The following PRKD2 variants were observed in gnomAD, a reference collection of about 807,000 sequenced individuals.
PRKD2 encodes protein kinase D2.
PRKD2 carries 22 observed loss-of-function variants against 86.0 expected under a neutral mutation model. The observed-to-expected ratio is 0.26, with a 90% CI of 0.18 to 0.37. The LOEUF is 0.37. PRKD2 is among the 10% of genes least tolerant of loss of function. The pLI is 1.00. For missense variants in PRKD2, 818 were observed against 1,199.2 expected (o/e 0.68, Z 4.70); for synonymous variants, 509 against 510.9 (o/e 1.00, Z 0.05).
chr19:46,714,477 T>TGGGGGGGGGGGGG (rs567281554), intron 1 of PRKD2: 1 of 40,952 alleles, frequency 2.4e-5, no homozygotes, highest in Non-Finnish European at 6.2e-5. Context: ...CCTGGGAAAG[T>TGGGGGGGGGGGGG]GGGGGGGGGG....
intron 13 of PRKD2, 102 bp from the exon 14 acceptor site, chr19:46,689,800 T>C: frequency 7.2e-7 from 1 of 1,380,506 alleles, no homozygotes; most frequent in Non-Finnish European, 1.0e-6. Flanking sequence ...GAGAAGGATG[T>C]CCCTGGGGTA....
chr19:46,703,541 G>A (rs2053664220), intron 5 of PRKD2, among the ~76,000 whole-genome samples: 1 of 152,090 alleles, frequency 6.6e-6, no homozygotes, highest in Admixed American at 6.6e-5. Context: ...GGAGGTCGAG[G>A]CAGGTGGATC....
intron 16 of PRKD2, chr19:46,677,060 CA>C (rs11397034): frequency 0.036 from 4,644 of 127,594 alleles, 236 homozygotes; most frequent in African/African-American, 0.12. Context: ...GACCCCACCT[CA>C]AAAAAAAAAA....
chr19:46,674,684 G>A lies in PRKD2; in HGVS notation c.2476C>T (p.Arg826Ter), dbSNP rs2053169302. The change falls in exon 18 of 18, where the codon CGA becomes TGA. Residue 826 changes from arginine (R) to a stop codon, truncating the protein, a stop_gained. Transcript: ENST00000291281. LOFTEE classifies it low-confidence loss of function (END_TRUNC). ...TCGTCACTCTCATGCGTGATGTATC[G>A]CTCTCCCATCTTCCCCTCCAGCTCT... is the stretch of plus-strand genomic sequence containing the variant. The part of the protein sequence containing the change: ...LRELEGKMGE[R>*]YITHESDDAR... 1.2e-6 allele frequency: 2 copies of A among 1,605,916 alleles called. No homozygotes were observed. Among genetic ancestry groups the A allele is most frequent in the Non-Finnish European group, 1.7e-6 (2 of 1,179,912 alleles).
chr19:46,674,400 C>T lies in PRKD2; in HGVS notation c.*123G>A, dbSNP rs1415740259. The T allele has an allele frequency of 4.7e-6, 5 of 1,064,208 alleles. No individual in the cohort carries two copies. The highest frequency in any genetic ancestry group is 5.3e-6 in the Non-Finnish European group (4 of 756,582). The allele number at this position is 1,064,208 out of a possible 1,614,324, so 65.9% of individuals were successfully genotyped here. On this transcript the variant is annotated 3_prime_UTR_variant, in exon 18 of 18. Coordinates refer to ENST00000291281, the MANE Select transcript of PRKD2 (RefSeq NM_016457.5). Reference sequence around the variant, plus strand: ...GAGGGGCCTTGGAAATAGCTCCCCCCACCCCACTCCCCACGTGTCCCATCC... The same window carrying T: ...GAGGGGCCTTGGAAATAGCTCCCCCTACCCCACTCCCCACGTGTCCCATCC...
At chr19:46,710,878 G>A in intron 3 of PRKD2, 29 bp downstream of exon 3, 1 of 1,022,378 alleles carries the variant, frequency 9.8e-7, no homozygotes, top group Non-Finnish European at 1.4e-6. Context: ...CCCCGCCCCA[G>A]GCCCCGCCCC....
intron 3 of PRKD2, among the ~76,000 whole-genome samples, chr19:46,708,972 G>GTTTT (rs1363680607): frequency 1.5e-5 from 2 of 136,372 alleles, no homozygotes; most frequent in Admixed American, 7.4e-5. Context: ...TTTGTTTGTG[G>GTTTT]TTTTTTTTTT....
intron 7 of PRKD2, among the ~76,000 whole-genome samples, chr19:46,698,061 G>C (rs1486461068): frequency 1.3e-5 from 2 of 152,110 alleles, no homozygotes; most frequent in South Asian, 4.1e-4. Flanking sequence ...GAATGCAGTG[G>C]TGCGATCTCG....
chr19:46,696,125 C>G (rs1056707828), intron 9 of PRKD2, among the ~76,000 whole-genome samples: 2 of 152,146 alleles, frequency 1.3e-5, no homozygotes, highest in African/African-American at 4.8e-5. Context: ...AGGCGTGAGC[C>G]ACCACGCCTG....
intron 3 of PRKD2, among the ~76,000 whole-genome samples, chr19:46,706,096 C>G (rs1334040374): frequency 2.0e-5 from 3 of 152,156 alleles, no homozygotes; most frequent in Admixed American, 6.6e-5. Context: ...AACTCCTGGG[C>G]TCAAGTGATC....
chr19:46,704,363 C>T lies in PRKD2; in HGVS notation c.695G>A (p.Arg232His). Residue 232 changes from arginine to histidine, a missense_variant, in exon 5 of 18, where the codon CGC becomes CAC. By Grantham distance (29) the Arg-to-His change is conservative. Transcript: ENST00000291281. The stretch of plus-strand genomic sequence containing the variant: ...GGAGGAAGAGGATGACGGGGGACGG[C>T]GAGGCAGGAGTTCGGTGGTGCTACG... Reference protein sequence around the residue: ...LSRSTTELLPRRPPSSSSSSS... With the variant: ...LSRSTTELLPHRPPSSSSSSS... The T allele has an allele frequency of 1.2e-6, 2 of 1,613,908 alleles. No homozygotes were observed. The highest frequency in any genetic ancestry group is 2.2e-5 in the East Asian group (1 of 44,866).
intron 15 of PRKD2, among the ~76,000 whole-genome samples, chr19:46,679,837 C>T (rs998344196): frequency 6.6e-6 from 1 of 152,114 alleles, no homozygotes; most frequent in African/African-American, 2.4e-5. Context: ...ATCAGCCAGG[C>T]TGGTCCCAAA....
intron 3 of PRKD2, among the ~76,000 whole-genome samples, chr19:46,707,142 T>C (rs1249483107): frequency 6.6e-6 from 1 of 151,892 alleles, no homozygotes; most frequent in East Asian, 2.0e-4. Flanking sequence ...TCCGCCCGCC[T>C]TGGCCTCCCA....
chr19:46,674,844 C>T (rs1429595612), intron 17 of PRKD2, 109 bp from the exon 18 acceptor site: 1 of 1,279,702 alleles, frequency 7.8e-7, no homozygotes, highest in Non-Finnish European at 1.1e-6. Context: ...AAGCCATACC[C>T]TCTGCAACCC....
chr19:46,674,324 T>G lies in PRKD2; in HGVS notation c.*199A>C, dbSNP rs1004799579. ...GATTCGAGAGTGCCGTGTGCTGAGATCAAGGCCATGGGGCCAGAGATGAGT... is the reference window on the plus strand; with the variant it reads ...GATTCGAGAGTGCCGTGTGCTGAGAGCAAGGCCATGGGGCCAGAGATGAGT... On this transcript the variant is annotated 3_prime_UTR_variant, in exon 18 of 18. Coordinates refer to ENST00000291281, the MANE Select transcript of PRKD2 (RefSeq NM_016457.5). 3.3e-5 allele frequency: 20 copies of G among 602,248 alleles called. No individual in the cohort carries two copies. The highest frequency in any genetic ancestry group is 1.1e-4 in the African/African-American group (6 of 53,890). The allele number at this position is 602,248 out of a possible 1,614,324, so 37.3% of individuals were successfully genotyped here. A position where few individuals can be genotyped will look rare whatever the true frequency, so the allele number is the denominator to read the frequency against.
chr19:46,679,130 G>A lies in PRKD2; in HGVS notation c.2071-467C>T, dbSNP rs182506695. Among the ~76,000 whole-genome samples the A allele has an allele frequency of 4.6e-5, 7 of 152,180 alleles. No individual in the cohort carries two copies. The East Asian group carries it at 1.4e-3, about 29-fold the overall frequency. On this transcript the variant is annotated intron_variant, in intron 15 of 17. Transcript: ENST00000291281. ...GGCCAAGGAAGATGGATCATTTGAG[G>A]TCAGGAGTTCGAGACCAGCCTGGCC...
At chr19:46,682,704 T>C (rs1196109322) in intron 14 of PRKD2, among the ~76,000 whole-genome samples, 1 of 22,256 alleles carries the variant, frequency 4.5e-5, no homozygotes, top group Non-Finnish European at 1.4e-4. Context: ...TGATTCTATT[T>C]TTTTTTTTTT....
Position 46,674,714 on chromosome 19 carries a change from G to A in PRKD2, c.2446C>T (p.Leu816Phe), listed in dbSNP as rs1224764339. The A allele has an allele frequency of 1.2e-6, 2 of 1,605,286 alleles. No individual in the cohort carries two copies. Among genetic ancestry groups the A allele is most frequent in the Non-Finnish European group, 1.7e-6 (2 of 1,179,908 alleles). Residue 816 changes from leucine (L) to phenylalanine (F), a missense_variant, in exon 18 of 18, where the codon CTC becomes TTC. Around this residue, in one of 5 missense-constraint regions of PRKD2, gnomAD observed 132 missense variants for 146.2 expected, o/e 0.90. Coordinates refer to ENST00000291281, the MANE Select transcript of PRKD2 (RefSeq NM_016457.5). Reference sequence around the variant, plus strand: ...CCCATCTTCCCCTCCAGCTCTCGGAGGTCCAGCCACGTCTGGTACTCCTGG... The same window carrying A: ...CCCATCTTCCCCTCCAGCTCTCGGAAGTCCAGCCACGTCTGGTACTCCTGG... ...WLQEYQTWLD[L>F]RELEGKMGER...
rs2053761971 is a variant in PRKD2, at chr19:46,708,989, T to TG, written c.511+1917_511+1918insC. 3.3e-5 allele frequency among the ~76,000 whole-genome samples: 5 copies of TG among 150,168 alleles called. No homozygotes were observed. The South Asian group carries it at 6.4e-4, about 19-fold the overall frequency. ...TGTTTGTGGTTTTTTTTTTTTTTTT[T>TG]TTTTTTGAGACGGAGTCTCGCTCTG... is the stretch of plus-strand genomic sequence containing the variant. On this transcript the variant is annotated intron_variant, in intron 3 of 17. Transcript: ENST00000291281.
Sources: gnomAD v4.1 joint callset for allele counts (sites outside exome capture counted in the v4.1 genomes callset) on GRCh38, gnomAD v4.1.1 for gene constraint, gnomAD v4.1.1 regional missense constraint, MANE v1.5 for transcripts, NCBI Gene and HGNC (gene_info 2026-07-23, HGNC 2026-07-21) for gene names.